DDC: variants seen among roughly 807,000 people sequenced by gnomAD.
The protein encoded by DDC is dopa decarboxylase.
Under a neutral mutation model 60.0 loss-of-function variants are expected in DDC, and 43 were observed. The ratio of observed to expected loss-of-function variants is 0.72; its 90% CI spans 0.56 to 0.92. The LOEUF is 0.92. Ranked by LOEUF, DDC falls within the 40% of genes least tolerant of loss-of-function variation. DDC has a pLI of 0.00. For missense variants in DDC, 573 were observed against 620.2 expected, an observed-to-expected ratio of 0.92 and a Z score of 0.81; for synonymous variants, 232 against 234.6, an observed-to-expected ratio of 0.99 and a Z score of 0.10.
chr7:50,477,390 A>G (rs956634624), intron 10 of DDC, among the ~76,000 whole-genome samples: 1 of 152,186 alleles, frequency 6.6e-6, no homozygotes, highest in African/African-American at 2.4e-5. Flanking sequence ...TGGAAAAGGG[A>G]GTCTTGTGCT....
chr7:50,553,184 G>A (rs1431742988), intron 1 of DDC, among the ~76,000 whole-genome samples: 1 of 152,180 alleles, frequency 6.6e-6, no homozygotes, highest in Non-Finnish European at 1.5e-5. Context: ...CCATGGTACT[G>A]CCTGTTCATG....
chr7:50,561,089 T>G (rs756845816), intron 1 of DDC: 1 of 152,256 alleles, frequency 6.6e-6, no homozygotes, highest in Non-Finnish European at 1.5e-5. Context: ...ACAGAAGATG[T>G]GATTGCCATT....
Position 50,479,781 on chromosome 7 carries a change from G to C in DDC, c.1021+6C>G. On this transcript the variant is annotated splice_donor_region_variant and intron_variant, in intron 10 of 14. Coordinates refer to ENST00000444124, the MANE Select transcript of DDC (RefSeq NM_001082971.2). Reference sequence around the variant, plus strand: ...ACAGTCCACAGAAAGCAGGCTCACAGCTTACCTGAATCCTGATGGCTGTGC... The same window carrying C: ...ACAGTCCACAGAAAGCAGGCTCACACCTTACCTGAATCCTGATGGCTGTGC... 1 of 1,612,864 alleles carries C rather than the reference G, an allele frequency of 6.2e-7. No individual in the cohort carries two copies. Among genetic ancestry groups the C allele is most frequent in the Non-Finnish European group, 8.5e-7 (1 of 1,179,430 alleles).
chr7:50,469,894 G>T (rs776834855), intron 12 of DDC, among the ~76,000 whole-genome samples, 179 bp downstream of exon 12: 3 of 151,582 alleles, frequency 2.0e-5, no homozygotes, highest in Admixed American at 6.6e-5. Context: ...CAGGAGATTC[G>T]CTTGAACCCA....
intron 9 of DDC, among the ~76,000 whole-genome samples, chr7:50,489,731 G>T (rs2042960324): frequency 6.6e-6 from 1 of 152,176 alleles, no homozygotes; most frequent in Non-Finnish European, 1.5e-5. Flanking sequence ...GATAAAATTA[G>T]CTTAGTTTCT....
intron 11 of DDC, among the ~76,000 whole-genome samples, chr7:50,471,942 A>C (rs2042543091): frequency 6.6e-6 from 1 of 152,312 alleles, no homozygotes; most frequent in African/African-American, 2.4e-5. Flanking sequence ...CCTACAAATT[A>C]AAATGTTAGA....
chr7:50,477,688 C>T lies in DDC; in HGVS notation c.1022-1045G>A, dbSNP rs772239659. 88 of 347,492 alleles carry T rather than the reference C, an allele frequency of 2.5e-4. No homozygotes were observed. In the Middle Eastern group the frequency reaches 5.8e-3, roughly 23 times the overall value. The allele number at this position is 347,492 out of a possible 1,614,324, so 21.5% of individuals were successfully genotyped here. On this transcript the variant is annotated intron_variant, in intron 10 of 14. Coordinates refer to ENST00000444124, the MANE Select transcript of DDC (RefSeq NM_001082971.2). Reference sequence around the variant, plus strand: ...GTGCTGGGAGGAGATGCAAGACCTCCACCCCCTGTTTTATGAGTGACCCTG... The same window carrying T: ...GTGCTGGGAGGAGATGCAAGACCTCTACCCCCTGTTTTATGAGTGACCCTG...
In DDC at chr7:50,543,892, A is replaced by T. The variant is rs951364390; in HGVS notation, c.194T>A (p.Met65Lys). The T allele has an allele frequency of 6.2e-7, 1 of 1,614,120 alleles. No individual in the cohort carries two copies. The highest frequency in any genetic ancestry group is 2.2e-5 in the East Asian group (1 of 44,874). Residue 65 changes from methionine (M) to lysine (K), a missense_variant, in exon 2 of 15, where the codon ATG becomes AAG. Met to Lys is a moderately conservative substitution (Grantham distance 95, BLOSUM62 -1). Transcript: ENST00000444124. ...CCTTGGATACACACTTACCCCAGGCATGATTATCTTCTCAACGTCGTTGAT... is the reference window on the plus strand; with the variant it reads ...CCTTGGATACACACTTACCCCAGGCTTGATTATCTTCTCAACGTCGTTGAT... ...DIINDVEKII[M>K]PGVTHWHSPY...
chr7:50,472,059 T>C (rs1043240492), intron 11 of DDC, among the ~76,000 whole-genome samples: 1 of 152,140 alleles, frequency 6.6e-6, no homozygotes, highest in Non-Finnish European at 1.5e-5. Context: ...TGGCTCCAAA[T>C]GTTGTCATGT....
At chr7:50,482,337 T>C (rs2042788063) in intron 9 of DDC, among the ~76,000 whole-genome samples, 1 of 152,350 alleles carries the variant, frequency 6.6e-6, no homozygotes, top group African/African-American at 2.4e-5. Flanking sequence ...CATATCTGTT[T>C]CCTCCTTGAT....
intron 1 of DDC, among the ~76,000 whole-genome samples, chr7:50,556,294 T>G (rs565210015): frequency 2.0e-5 from 3 of 152,320 alleles, no homozygotes; most frequent in African/African-American, 7.2e-5. Flanking sequence ...AGATTTGGTA[T>G]CTGGTGAGGC....
intron 7 of DDC, among the ~76,000 whole-genome samples, chr7:50,503,442 T>C (rs987368846): frequency 1.3e-5 from 2 of 152,212 alleles, no homozygotes; most frequent in African/African-American, 2.4e-5. Context: ...CTAGGATCTC[T>C]GAATGAGGAA....
chr7:50,548,619 G>T (rs73342826), intron 1 of DDC, among the ~76,000 whole-genome samples: 1,524 of 152,308 alleles, frequency 0.01, 23 homozygotes, highest in African/African-American at 0.035. Context: ...GAAGTTAGCA[G>T]AGTTTTGTTC....
At chr7:50,505,572 AC>A (rs2043371920) in intron 6 of DDC, among the ~76,000 whole-genome samples, 1 of 152,228 alleles carries the variant, frequency 6.6e-6, no homozygotes, top group African/African-American at 2.4e-5. Context: ...TCACCTGGAA[AC>A]CAACTTTTCC....
At chr7:50,504,733 G>T (rs1296433155) in intron 6 of DDC, among the ~76,000 whole-genome samples, 3 of 152,048 alleles carry the variant, frequency 2.0e-5, no homozygotes, top group Non-Finnish European at 2.9e-5. Context: ...GTGTGTGTGT[G>T]CATACACCCA....
chr7:50,485,923 C>T (rs796996942), intron 9 of DDC, among the ~76,000 whole-genome samples: 6 of 152,050 alleles, frequency 3.9e-5, no homozygotes, highest in African/African-American at 1.4e-4. Flanking sequence ...TAATATAGTC[C>T]CTAAAAAGCT....
intron 4 of DDC, among the ~76,000 whole-genome samples, chr7:50,533,550 C>T (rs1282861571): frequency 6.6e-6 from 1 of 152,184 alleles, no homozygotes; most frequent in Admixed American, 6.5e-5. Flanking sequence ...CCGCCTTGGC[C>T]TCCCAAAGTG....
chr7:50,468,120 A>G (rs2042440048), intron 12 of DDC, among the ~76,000 whole-genome samples: 1 of 152,228 alleles, frequency 6.6e-6, no homozygotes. Flanking sequence ...GCTGGGGAGG[A>G]CCTGCGGAAA....
At chr7:50,476,193 C>T (rs11575489) in intron 11 of DDC, among the ~76,000 whole-genome samples, 2,823 of 152,320 alleles carry the variant, frequency 0.019, 62 homozygotes, top group East Asian at 0.08. Flanking sequence ...CAAATAAAAA[C>T]GAGAGAGGAC....
Sources: gnomAD v4.1 joint callset for allele counts (sites outside exome capture counted in the v4.1 genomes callset) on GRCh38, gnomAD v4.1.1 for gene constraint, MANE v1.5 for transcripts, NCBI Gene and HGNC (gene_info 2026-07-23, HGNC 2026-07-21) for gene names.